The following POLDIP3 variants were observed in gnomAD, a reference collection of about 807,000 sequenced individuals.
POLDIP3 encodes the protein DNA polymerase delta interacting protein 3, also known as polymerase delta-interacting protein 3.
A neutral mutation model predicts 45.1 loss-of-function variants in POLDIP3; 14 were observed. The ratio of observed to expected loss-of-function variants is 0.31; its 90% CI spans 0.20 to 0.49. The LOEUF is 0.49. Ranked by LOEUF, POLDIP3 falls within the 20% of genes least tolerant of loss-of-function variation. POLDIP3 has a pLI of 0.99. For missense variants in POLDIP3, 511 were observed against 538.8 expected (o/e 0.95, Z 0.51); for synonymous variants, 223 against 205.2 (o/e 1.09, Z -0.74).
At chr22:42,592,963 G>C (rs565440562) in intron 6 of POLDIP3, among the ~76,000 whole-genome samples, 1 of 152,284 alleles carries the variant, frequency 6.6e-6, no homozygotes, top group African/African-American at 2.4e-5. Context: ...GTTTTTAATG[G>C]TAAATATCAA....
At chr22:42,613,966 A>G (rs1414770906) in intron 1 of POLDIP3, among the ~76,000 whole-genome samples, 2 of 152,216 alleles carry the variant, frequency 1.3e-5, no homozygotes, top group African/African-American at 4.8e-5. Context: ...TTAAGGGTCT[A>G]GGGGAAGTTT....
rs796647560 is a variant in POLDIP3 at position 42,596,338 on chromosome 22, T to C, written c.661A>G (p.Met221Val). The C allele has an allele frequency of 3.1e-6, 5 of 1,614,094 alleles. No individual in the cohort carries two copies. Among genetic ancestry groups the C allele is most frequent in the Non-Finnish European group, 4.2e-6 (5 of 1,180,010 alleles). ...MAGLSSSKLS[M>V]SKALPLTKVV... is the part of the protein sequence containing the mutation. ...TTGGTGAGAGGGAGGGCCTTGGACATGGAAAGCTTGGAACTGCTTAGCCCA... is the reference window on the plus strand; with the variant it reads ...TTGGTGAGAGGGAGGGCCTTGGACACGGAAAGCTTGGAACTGCTTAGCCCA... Residue 221 changes from methionine (M) to valine (V), a missense_variant, in exon 5 of 9, where the codon ATG (methionine) becomes GTG (valine). By Grantham distance (21) the Met-to-Val change is conservative. Around this residue, in one of 4 missense-constraint regions of POLDIP3, gnomAD observed 378 missense variants for 352.3 expected, o/e 1.07. Transcript: ENST00000252115.
chr22:42,601,606 CA>C (rs1467716316), intron 3 of POLDIP3, among the ~76,000 whole-genome samples: 2 of 151,442 alleles, frequency 1.3e-5, no homozygotes, highest in African/African-American at 4.9e-5. Flanking sequence ...ACTAAAAATA[CA>C]AAAATTAGCT....
chr22:42,598,249 ATTTTTTTT>A (rs34265457), intron 4 of POLDIP3, among the ~76,000 whole-genome samples: 52 of 90,842 alleles, frequency 5.7e-4, no homozygotes, highest in African/African-American at 1.7e-3. Context: ...CACCCCGGAT[ATTTTTTTT>A]TTTTTTTTTT....
intron 3 of POLDIP3, 37 bp from the exon 4 acceptor site, chr22:42,599,830 G>T: frequency 6.8e-7 from 1 of 1,469,580 alleles, no homozygotes. Context: ...AGCAAATGTG[G>T]CATCTGGGCC....
chr22:42,614,858 C>CA lies in POLDIP3; in HGVS notation c.-2_-1insT, dbSNP rs1927390351. 6.2e-7 allele frequency: 1 copy of CA among 1,613,750 alleles called. No individual in the cohort carries two copies. Among genetic ancestry groups the CA allele is most frequent in the African/African-American group, 1.3e-5 (1 of 74,946 alleles). ...GTTCGTCCAGGGAGATGTCCGCCAT[C>CA]TTGCTCCGCCGAGCAAGCCGAAAGC... is the stretch of plus-strand genomic sequence containing the variant. On this transcript the variant is annotated 5_prime_UTR_variant, in exon 1 of 9. The change creates a new upstream start codon in the 5' untranslated region. Transcript: ENST00000252115.
intron 3 of POLDIP3, 61 bp downstream of exon 3, chr22:42,601,909 C>T (rs1434384015): frequency 2.5e-6 from 4 of 1,569,288 alleles, no homozygotes; most frequent in Non-Finnish European, 3.5e-6. Flanking sequence ...AACACGTGCA[C>T]ACCTACATGT....
At chr22:42,606,426 T>C (rs1028960206) in intron 1 of POLDIP3, among the ~76,000 whole-genome samples, 1 of 151,442 alleles carries the variant, frequency 6.6e-6, no homozygotes, top group African/African-American at 2.4e-5. Context: ...AGCCCAGGAG[T>C]TCAGGACCAG....
chr22:42,599,802 A>G lies in POLDIP3; in HGVS notation c.538-9T>C. On this transcript the variant is annotated splice_polypyrimidine_tract_variant and intron_variant, in intron 3 of 8. Coordinates refer to ENST00000252115, the MANE Select transcript of POLDIP3 (RefSeq NM_032311.5). ...TCCAGGTCATATAAATTCTGAGAAT[A>G]TAACATAAAGAAATATAAGCAAATG... is the stretch of plus-strand genomic sequence containing the variant. 1 of 1,581,906 alleles carries G rather than the reference A, an allele frequency of 6.3e-7. No individual in the cohort carries two copies. Among genetic ancestry groups the G allele is most frequent in the Non-Finnish European group, 8.7e-7 (1 of 1,152,394 alleles).
At chr22:42,593,052 C>T (rs1027198064) in intron 6 of POLDIP3, among the ~76,000 whole-genome samples, 2 of 152,206 alleles carry the variant, frequency 1.3e-5, no homozygotes, top group African/African-American at 4.8e-5. Context: ...ATGCTCAAGT[C>T]CCTGCTATAA....
At chr22:42,590,418 A>C (rs995985589) in intron 7 of POLDIP3, among the ~76,000 whole-genome samples, 1 of 152,154 alleles carries the variant, frequency 6.6e-6, no homozygotes, top group African/African-American at 2.4e-5. Context: ...TTCTAGGCTC[A>C]AGCGATCCTC....
chr22:42,601,149 G>A (rs1353732963), intron 3 of POLDIP3, among the ~76,000 whole-genome samples: 2 of 152,058 alleles, frequency 1.3e-5, no homozygotes, highest in Non-Finnish European at 2.9e-5. Flanking sequence ...ACAGTGACTG[G>A]CTTTGGAGAA....
intron 1 of POLDIP3, among the ~76,000 whole-genome samples, chr22:42,605,735 T>G (rs1926682675): frequency 1.3e-5 from 2 of 151,918 alleles, no homozygotes; most frequent in Admixed American, 6.6e-5. Flanking sequence ...AAGAAATGGT[T>G]GTATGTGGTA....
At chr22:42,595,363 C>T (rs1925920759) in intron 6 of POLDIP3, among the ~76,000 whole-genome samples, 174 bp downstream of exon 6, 1 of 152,274 alleles carries the variant, frequency 6.6e-6, no homozygotes, top group African/African-American at 2.4e-5. Flanking sequence ...CCCGACTTCA[C>T]CCCATGAGCC....
chr22:42,595,645 C>A, intron 5 of POLDIP3, 31 bp from the exon 6 acceptor site: 1 of 1,595,666 alleles, frequency 6.3e-7, no homozygotes, highest in Non-Finnish European at 8.6e-7. Flanking sequence ...TTACCAGAAG[C>A]CAGATGGCTG....
At chr22:42,602,197 C>G in intron 2 of POLDIP3, 141 bp from the exon 3 acceptor site, 2 of 1,299,078 alleles carry the variant, frequency 1.5e-6, no homozygotes, top group Non-Finnish European at 2.1e-6. Context: ...TTATCCTCCA[C>G]AGTAGGAAGT....
intron 6 of POLDIP3, among the ~76,000 whole-genome samples, chr22:42,595,083 G>T (rs2146810613): frequency 6.6e-6 from 1 of 152,296 alleles, no homozygotes; most frequent in South Asian, 2.1e-4. Context: ...TCTCAGGAGG[G>T]CTCCTGCCAC....
intron 1 of POLDIP3, 42 bp downstream of exon 1, chr22:42,614,757 G>A (rs1276060089): frequency 6.2e-7 from 1 of 1,609,522 alleles, no homozygotes; most frequent in Non-Finnish European, 8.5e-7. Flanking sequence ...AGCTCCACTA[G>A]GCCGAGGACC....
rs982066095 is a variant in POLDIP3, at chr22:42,595,718, C to T, written c.814-104G>A. On this transcript the variant is annotated intron_variant, in intron 5 of 8. Coordinates refer to ENST00000252115, the MANE Select transcript of POLDIP3 (RefSeq NM_032311.5). ...GACTAGGAAGGCCCAGAGGAAAGCTCCATGGAGAGTTACCACAAATGGGCC... is the reference window on the plus strand; with the variant it reads ...GACTAGGAAGGCCCAGAGGAAAGCTTCATGGAGAGTTACCACAAATGGGCC... 3 of 1,018,898 alleles carry T rather than the reference C, an allele frequency of 2.9e-6. No individual in the cohort carries two copies. In the African/African-American group the frequency reaches 4.7e-5, roughly 16 times the overall value. The allele number at this position is 1,018,898 out of a possible 1,614,324, so 63.1% of individuals were successfully genotyped here. A position where few individuals can be genotyped will look rare whatever the true frequency, so the allele number is the denominator to read the frequency against.
Sources: allele counts gnomAD v4.1 joint callset (sites outside exome capture counted in the v4.1 genomes callset), GRCh38; gene constraint gnomAD v4.1.1; regional missense constraint gnomAD v4.1.1; transcripts MANE v1.5; gene names NCBI Gene and HGNC (gene_info 2026-07-23, HGNC 2026-07-21).